Variants in ZFHX3 observed in about 807,000 individuals in gnomAD.
ZFHX3 encodes zinc finger homeobox protein 3.
Under a neutral mutation model 279.1 loss-of-function variants are expected in ZFHX3, and 42 were observed. That is an observed-to-expected ratio of 0.15 (90% CI 0.12 to 0.19). The LOEUF (loss-of-function observed/expected upper bound fraction) is 0.19, where lower values mean the gene tolerates loss of function less well. ZFHX3 is among the 10% of genes least tolerant of loss of function. The pLI, the probability that ZFHX3 is intolerant of heterozygous loss-of-function variation, is 1.00. For missense variants in ZFHX3, 4,981 were observed against 4,754.0 expected, an observed-to-expected ratio of 1.05 and a Z score of -1.40; for synonymous variants, 2,293 against 1,957.8, an observed-to-expected ratio of 1.17 and a Z score of -4.52.
At chr16:72,920,008 T>A (rs1020629840) in intron 3 of ZFHX3, among the ~76,000 whole-genome samples, 2 of 151,748 alleles carry the variant, frequency 1.3e-5, no homozygotes, top group African/African-American at 4.8e-5. Flanking sequence ...TTGACCAGGC[T>A]GGTCTCAAAC....
At chr16:73,873,806 AGAG>A (rs1336965708) in intron 1 of ZFHX3, among the ~76,000 whole-genome samples, 1 of 152,296 alleles carries the variant, frequency 6.6e-6, no homozygotes, top group East Asian at 1.9e-4. Context: ...TAATCTGATA[AGAG>A]GAGGAAGGCT....
intron 1 of ZFHX3, among the ~76,000 whole-genome samples, chr16:73,844,869 G>C (rs909937840): frequency 6.6e-6 from 1 of 151,458 alleles, no homozygotes; most frequent in Non-Finnish European, 1.5e-5. Flanking sequence ...TAGGTAGGTA[G>C]GTAGGTAGGC....
At chr16:73,162,448 G>C (rs1967262142) in intron 5 of ZFHX3, among the ~76,000 whole-genome samples, 1 of 152,150 alleles carries the variant, frequency 6.6e-6, no homozygotes, top group Non-Finnish European at 1.5e-5. Context: ...GTGAGTTGTA[G>C]AATTATTTCA....
intron 5 of ZFHX3, among the ~76,000 whole-genome samples, chr16:73,200,088 A>G (rs917816250): frequency 3.3e-5 from 5 of 152,226 alleles, no homozygotes; most frequent in African/African-American, 1.2e-4. Context: ...ATGAAAAAAC[A>G]TAGAAGAAAA....
At chr16:73,139,571 G>A (rs190390226) in intron 6 of ZFHX3, among the ~76,000 whole-genome samples, 2 of 152,294 alleles carry the variant, frequency 1.3e-5, no homozygotes, top group Admixed American at 6.5e-5. Context: ...GAGTCATTAC[G>A]CTGTTCTCCT....
intron 7 of ZFHX3, chr16:73,099,159 T>G (rs1436266988): frequency 6.6e-6 from 1 of 152,228 alleles, no homozygotes; most frequent in Non-Finnish European, 1.5e-5. Flanking sequence ...ATAGGGTCAG[T>G]CTAAGTACAC....
chr16:73,286,563 G>A (rs1206220259), intron 4 of ZFHX3, among the ~76,000 whole-genome samples: 1 of 151,654 alleles, frequency 6.6e-6, no homozygotes, highest in Non-Finnish European at 1.5e-5. Flanking sequence ...GTGCGTTGGT[G>A]TGTGGCTGTG....
intron 1 of ZFHX3, among the ~76,000 whole-genome samples, chr16:73,038,769 G>C (rs1965004189): frequency 1.4e-5 from 2 of 142,474 alleles, no homozygotes; most frequent in Non-Finnish European, 3.0e-5. Flanking sequence ...TAAAAGGAAA[G>C]ACTCTTCCTT....
chr16:73,299,590 T>A (rs1364724822), intron 4 of ZFHX3, among the ~76,000 whole-genome samples: 1 of 151,968 alleles, frequency 6.6e-6, no homozygotes. Flanking sequence ...AAAGTAATGA[T>A]CATGAGGAAG....
At chr16:72,874,813 A>C (rs1196572646) in intron 4 of ZFHX3, among the ~76,000 whole-genome samples, 1 of 152,140 alleles carries the variant, frequency 6.6e-6, no homozygotes, top group Non-Finnish European at 1.5e-5. Flanking sequence ...CATTAAAGCC[A>C]CTTTGGAGTG....
chr16:72,927,790 C>T (rs756460837), intron 3 of ZFHX3, among the ~76,000 whole-genome samples: 6 of 152,038 alleles, frequency 3.9e-5, no homozygotes, highest in Non-Finnish European at 7.4e-5. Context: ...CCGGAGTGTA[C>T]ACTAACCACA....
chr16:73,656,898 G>A (rs2052726855), intron 2 of ZFHX3, among the ~76,000 whole-genome samples: 1 of 152,202 alleles, frequency 6.6e-6, no homozygotes, highest in Admixed American at 6.5e-5. Flanking sequence ...CCAAGCTTCA[G>A]TCACATAATA....
chr16:73,298,276 C>A (rs1350311345), intron 4 of ZFHX3, among the ~76,000 whole-genome samples: 2 of 151,636 alleles, frequency 1.3e-5, no homozygotes, highest in Non-Finnish European at 2.9e-5. Flanking sequence ...TCCGCCCCTC[C>A]CAGGTTCAAG....
chr16:73,278,915 C>G (rs547325545), intron 4 of ZFHX3, among the ~76,000 whole-genome samples: 4 of 152,318 alleles, frequency 2.6e-5, no homozygotes, highest in African/African-American at 7.2e-5. Flanking sequence ...AGTCCCCTCT[C>G]GACCCAGGAA....
intron 5 of ZFHX3, among the ~76,000 whole-genome samples, chr16:72,815,896 ACAAT>A (rs1315046473): frequency 6.6e-6 from 1 of 152,242 alleles, no homozygotes; most frequent in East Asian, 1.9e-4. Context: ...TGATTTGGAA[ACAAT>A]CTAGATATCT....
intron 5 of ZFHX3, among the ~76,000 whole-genome samples, chr16:73,155,634 C>A (rs566499117): frequency 6.6e-6 from 1 of 152,024 alleles, no homozygotes; most frequent in Non-Finnish European, 1.5e-5. Flanking sequence ...ACCAGCCTGG[C>A]CAATGTGGTG....
chr16:73,050,675 G>A (rs1199621768), upstream of ZFHX3, among the ~76,000 whole-genome samples: 2 of 152,058 alleles, frequency 1.3e-5, no homozygotes, highest in South Asian at 2.1e-4. Flanking sequence ...CTGGCTCTTC[G>A]GAGGGCAGCT....
intron 1 of ZFHX3, among the ~76,000 whole-genome samples, chr16:73,806,933 G>A (rs562525032): frequency 2.6e-5 from 4 of 152,266 alleles, no homozygotes; most frequent in South Asian, 2.1e-4. Flanking sequence ...AAGGGAATGC[G>A]AGCGTTCCAT....
intron 3 of ZFHX3, among the ~76,000 whole-genome samples, chr16:73,373,338 C>T (rs963172237): frequency 3.9e-5 from 6 of 152,138 alleles, no homozygotes; most frequent in Non-Finnish European, 5.9e-5. Flanking sequence ...TAGGAAGAGA[C>T]CAAATGCATT....
Sources: gnomAD v4.1 joint callset for allele counts (sites outside exome capture counted in the v4.1 genomes callset) on GRCh38, gnomAD v4.1.1 for gene constraint, MANE v1.5 for transcripts, NCBI Gene and HGNC (gene_info 2026-07-23, HGNC 2026-07-21) for gene names.